Variants in GRAMD1B observed in about 807,000 individuals in gnomAD.
The protein encoded by GRAMD1B is GRAM domain containing 1B.
Under a neutral mutation model 99.7 loss-of-function variants are expected in GRAMD1B, and 37 were observed. That is an observed-to-expected ratio of 0.37 (90% CI 0.29 to 0.49). The LOEUF (loss-of-function observed/expected upper bound fraction) is 0.49. GRAMD1B is among the 20% of genes least tolerant of loss of function. GRAMD1B has a pLI of 0.98. For synonymous variants in GRAMD1B, 427 were observed against 387.6 expected (o/e 1.10, Z -1.19); for missense variants, 888 against 1,009.2 (o/e 0.88, Z 1.63).
intron 7 of GRAMD1B, among the ~76,000 whole-genome samples, chr11:123,596,727 G>C (rs949161300): frequency 6.6e-6 from 1 of 152,116 alleles, no homozygotes; most frequent in Non-Finnish European, 1.5e-5. Flanking sequence ...TTTTGCTTTT[G>C]TTTTTGTTTT....
chr11:123,398,214 A>T lies in GRAMD1B; in HGVS notation c.-176+39415A>T, dbSNP rs548830968. Among the ~76,000 whole-genome samples the T allele has an allele frequency of 4.6e-5, 7 of 152,344 alleles. No individual in the cohort carries two copies. The South Asian group carries it at 1.5e-3, about 32-fold the overall frequency. ...CATGACAGAATACCACAGACTGGAT[A>T]ATTTATAAAGAAAAGTTTAAAAACT... On this transcript the variant is annotated intron_variant, in intron 1 of 20. Coordinates refer to the GRAMD1B transcript ENST00000638157.
At chr11:123,560,352 G>A (rs1333373816) in intron 2 of GRAMD1B, 1 of 1,170,184 alleles carries the variant, frequency 8.5e-7, no homozygotes, top group Non-Finnish European at 1.1e-6. Flanking sequence ...AAGGCGGCAC[G>A]ACCACACCAA....
At chr11:123,370,426 T>G (rs1158915565) in intron 1 of GRAMD1B, among the ~76,000 whole-genome samples, 1 of 149,252 alleles carries the variant, frequency 6.7e-6, no homozygotes, top group African/African-American at 2.5e-5. Context: ...CAGTAGTCTC[T>G]GCTTCCCAGG....
rs1417614256 is a variant in GRAMD1B at position 123,492,859 on chromosome 11, CACACAT to C, written c.452+11972_452+11977del. Among the ~76,000 whole-genome samples, 4 of 49,320 alleles carry C rather than the reference CACACAT, an allele frequency of 8.1e-5. No homozygotes were observed. The African/African-American group carries it at 1.2e-3, about 14-fold the overall frequency. 32.4% of individuals were successfully genotyped at this position (49,320 alleles called of 152,430 possible). A position where few individuals can be genotyped will look rare whatever the true frequency, so the allele number is the denominator to read the frequency against. ...TCTCTCTCTCTCTGTCTCTCTCTTTCACACATACACACACACACACACACACACACA... is the reference window on the plus strand; with the variant it reads ...TCTCTCTCTCTCTGTCTCTCTCTTTCACACACACACACACACACACACACA... On this transcript the variant is annotated intron_variant, in intron 2 of 19. Coordinates refer to ENST00000635736, the MANE Select transcript of GRAMD1B (RefSeq NM_001387025.1). This position sits in a 1 kb window ranked among gnomAD's most constrained non-coding sequence, Gnocchi z 4.2.
chr11:123,573,893 A>G (rs1948428761), intron 2 of GRAMD1B, among the ~76,000 whole-genome samples: 1 of 152,142 alleles, frequency 6.6e-6, no homozygotes. Flanking sequence ...AGCGGAAAAC[A>G]TGCCACTTAC....
In GRAMD1B at chr11:123,625,519, G is replaced by A. The variant is rs1955449085; in HGVS notation, c.*2924G>A. 1 of 152,216 alleles carries A rather than the reference G, an allele frequency of 6.6e-6. No individual in the cohort carries two copies. Among genetic ancestry groups the A allele is most frequent in the Non-Finnish European group, 1.5e-5 (1 of 68,062 alleles). 9.4% of individuals were successfully genotyped at this position (152,216 alleles called of 1,614,324 possible). The stretch of plus-strand genomic sequence containing the variant: ...TCCCTTCCTCATCCACCTCTTTGGG[G>A]ACAAGAGGATTACATCTCAGGCCAG... On this transcript the variant is annotated 3_prime_UTR_variant, in exon 20 of 20. Coordinates refer to ENST00000635736, the MANE Select transcript of GRAMD1B (RefSeq NM_001387025.1).
chr11:123,542,292 T>C (rs1403851431), intron 2 of GRAMD1B, among the ~76,000 whole-genome samples: 1 of 152,220 alleles, frequency 6.6e-6, no homozygotes, highest in Non-Finnish European at 1.5e-5. Flanking sequence ...AGCTCTTTCA[T>C]TGAAGCAGGG....
chr11:123,367,151 C>G (rs1946347255), intron 1 of GRAMD1B, among the ~76,000 whole-genome samples: 1 of 152,138 alleles, frequency 6.6e-6, no homozygotes, highest in Non-Finnish European at 1.5e-5. Flanking sequence ...TGCAGTGACC[C>G]ATGATTGTGC....
At chr11:123,595,890 T>C (rs1172629327) in intron 6 of GRAMD1B, 52 bp from the exon 7 acceptor site, 1 of 1,004,452 alleles carries the variant, frequency 1.0e-6, no homozygotes, top group African/African-American at 1.6e-5. Context: ...TTACCTGACT[T>C]ACTAATGCCC....
chr11:123,372,058 T>C (rs1946545993), intron 1 of GRAMD1B, among the ~76,000 whole-genome samples: 2 of 152,248 alleles, frequency 1.3e-5, no homozygotes, highest in African/African-American at 2.4e-5. Flanking sequence ...TACAGAGCAC[T>C]GAAGCAAGGT....
chr11:123,460,619 G>T, intron 1 of GRAMD1B, among the ~76,000 whole-genome samples: 1 of 152,186 alleles, frequency 6.6e-6, no homozygotes, highest in East Asian at 1.9e-4. Context: ...GAAAAAACAA[G>T]ATAATGCTTT....
At chr11:123,436,577 C>T (rs988070707) in intron 1 of GRAMD1B, among the ~76,000 whole-genome samples, 5 of 152,122 alleles carry the variant, frequency 3.3e-5, no homozygotes, top group Admixed American at 1.3e-4. Flanking sequence ...GAGGAGCTGT[C>T]GTAGATTCTG....
chr11:123,374,976 TATC>T (rs1946645396), intron 1 of GRAMD1B, among the ~76,000 whole-genome samples: 2 of 152,222 alleles, frequency 1.3e-5, no homozygotes, highest in Admixed American at 1.3e-4. Flanking sequence ...TTACCATCCT[TATC>T]ATCATCGTCA....
At chr11:123,557,315 A>AT (rs1481105423) in intron 2 of GRAMD1B, among the ~76,000 whole-genome samples, 11 of 152,196 alleles carry the variant, frequency 7.2e-5, no homozygotes, top group African/African-American at 2.7e-4. Flanking sequence ...AGATTCCCTG[A>AT]TTCGCTTGTT....
intron 7 of GRAMD1B, chr11:123,597,924 T>G: frequency 2.1e-5 from 22 of 1,043,226 alleles, no homozygotes; most frequent in Non-Finnish European, 2.9e-5. Flanking sequence ...GCCCCAAAGC[T>G]GAGCTACATC....
At chr11:123,576,734 G>A (rs1213962629) in intron 2 of GRAMD1B, among the ~76,000 whole-genome samples, 1 of 152,180 alleles carries the variant, frequency 6.6e-6, no homozygotes, top group African/African-American at 2.4e-5. Context: ...ATAATATGGT[G>A]TGGGTGAGTT....
chr11:123,598,175 C>G, intron 7 of GRAMD1B: 1 of 1,519,658 alleles, frequency 6.6e-7, no homozygotes, highest in South Asian at 1.1e-5. Context: ...TGCCATTCAG[C>G]AAAGTGCCGC....
At chr11:123,598,932 G>C (rs1223701103) in intron 7 of GRAMD1B, 2 of 1,116,502 alleles carry the variant, frequency 1.8e-6, no homozygotes, top group East Asian at 4.7e-5. Context: ...CCTGTCTTTA[G>C]GAATGTCAAA....
chr11:123,462,891 T>TAAA (rs1022451957), intron 1 of GRAMD1B, among the ~76,000 whole-genome samples: 35 of 111,406 alleles, frequency 3.1e-4, no homozygotes, highest in Non-Finnish European at 4.0e-4. Flanking sequence ...AAAAATAAAT[T>TAAA]AAAAAAAAAA....
Sources: gnomAD v4.1 joint callset for allele counts (sites outside exome capture counted in the v4.1 genomes callset) on GRCh38, gnomAD v4.1.1 for gene constraint, Gnocchi (gnomAD v3.1) non-coding constraint, MANE v1.5 for transcripts, NCBI Gene and HGNC (gene_info 2026-07-23, HGNC 2026-07-21) for gene names.